NPTX1: variants seen among roughly 807,000 people sequenced by gnomAD.
NPTX1 encodes the protein neuronal pentraxin-1.
A neutral mutation model predicts 38.7 loss-of-function variants in NPTX1; 12 were observed. The observed-to-expected ratio is 0.31, with a 90% CI of 0.20 to 0.50. The LOEUF is 0.50. Ranked by LOEUF, NPTX1 falls within the 20% of genes least tolerant of loss-of-function variation. The probability of loss-of-function intolerance (pLI) is 0.98; values close to 1 mark genes in which losing one functional copy is unlikely to be tolerated. For missense variants in NPTX1, 454 were observed against 592.2 expected, an observed-to-expected ratio of 0.77 and a Z score of 2.42; for synonymous variants, 272 against 264.9, an observed-to-expected ratio of 1.03 and a Z score of -0.26.
Position 80,470,733 on chromosome 17 carries a change from G to T in NPTX1, c.*80C>A. 9.9e-7 allele frequency: 1 copy of T among 1,006,440 alleles called. No individual in the cohort carries two copies. The highest frequency in any genetic ancestry group is 1.5e-5 in the South Asian group (1 of 65,926). The allele number at this position is 1,006,440 out of a possible 1,614,324, so 62.3% of individuals were successfully genotyped here. ...CCTCGGTTCATTCCTGGGGAAAAGGGAGAGAAGAGACGCACAAAACAGATC... is the reference window on the plus strand; with the variant it reads ...CCTCGGTTCATTCCTGGGGAAAAGGTAGAGAAGAGACGCACAAAACAGATC... On this transcript the variant is annotated 3_prime_UTR_variant, in exon 5 of 5. Coordinates refer to ENST00000306773, the MANE Select transcript of NPTX1 (RefSeq NM_002522.4).
rs746170195 is a variant in NPTX1, at chr17:80,470,507, G to A, written c.*306C>T. ...CACGTAGACACACACATGTAGACAC[G>A]CACACACAGATCCTCTCACCAACTT... On this transcript the variant is annotated 3_prime_UTR_variant, in exon 5 of 5. Coordinates refer to ENST00000306773, the MANE Select transcript of NPTX1 (RefSeq NM_002522.4). 2.3e-5 allele frequency: 6 copies of A among 263,260 alleles called. No individual in the cohort carries two copies. The highest frequency in any genetic ancestry group is 7.5e-5 in the East Asian group (1 of 13,398). 16.3% of individuals were successfully genotyped at this position (263,260 alleles called of 1,614,324 possible).
rs2083829416 is a variant in NPTX1, at chr17:80,469,895, G to C, written c.*918C>G. 1 of 152,338 alleles carries C rather than the reference G, an allele frequency of 6.6e-6. No individual in the cohort carries two copies. The highest frequency in any genetic ancestry group is 2.4e-5 in the African/African-American group (1 of 41,474). The allele number at this position is 152,338 out of a possible 1,614,324, so 9.4% of individuals were successfully genotyped here. On this transcript the variant is annotated 3_prime_UTR_variant, in exon 5 of 5. Transcript: ENST00000306773. ...GTGGGTGGCACGCTCCTCTCTCAGG[G>C]CCCTCTGGGCTGAAGCAGTGCAGCA...
In NPTX1 at chr17:80,471,670, T is replaced by G. The variant is rs530063658; in HGVS notation, c.1077+62A>C. Reference sequence around the variant, plus strand: ...TACCTCCCTCCCTCCTTGCTCCTCTTCCCCTTCCCAGCCTCTGGTTCTGAA... The same window carrying G: ...TACCTCCCTCCCTCCTTGCTCCTCTGCCCCTTCCCAGCCTCTGGTTCTGAA... On this transcript the variant is annotated intron_variant, in intron 4 of 4. Transcript: ENST00000306773. The G allele has an allele frequency of 2.0e-3, 3,057 of 1,557,908 alleles. 60 individuals carry two copies. The East Asian group carries it at 0.05, about 25-fold the overall frequency.
chr17:80,476,411 C>A lies in NPTX1; in HGVS notation c.36G>T (p.Leu12=). Residue 12 remains leucine, a synonymous_variant, in exon 1 of 5, where the codon CTG becomes CTT. Coordinates refer to ENST00000306773, the MANE Select transcript of NPTX1 (RefSeq NM_002522.4). The surrounding 1 kb of genome is among the most constrained non-coding windows in gnomAD (Gnocchi z 6.3). ...CGGCGCCCAGGAGGCAGAGGGCGAG[C>A]AGCGCACAGGTGCGCGCGGCGCGGC... ...PAGRAARTCA[L]LALCLLGAGA... is the part of the protein sequence containing the mutation. 6.7e-7 allele frequency: 1 copy of A among 1,502,104 alleles called. No individual in the cohort carries two copies. Among genetic ancestry groups the A allele is most frequent in the East Asian group, 2.7e-5 (1 of 37,444 alleles). 93.0% of individuals were successfully genotyped at this position (1,502,104 alleles called of 1,614,324 possible).
Position 80,475,827 on chromosome 17 carries a change from A to G in NPTX1, c.445-109T>C. 1.0e-6 allele frequency: 1 copy of G among 970,492 alleles called. No homozygotes were observed. The allele number at this position is 970,492 out of a possible 1,614,324, so 60.1% of individuals were successfully genotyped here. A position where few individuals can be genotyped will look rare whatever the true frequency, so the allele number is the denominator to read the frequency against. ...TGGGCGACTGCGGGGGCGGCCTGGC[A>G]GGGAGCTGGGGCGAGTGGCCGCCGC... On this transcript the variant is annotated intron_variant, in intron 1 of 4. Coordinates refer to ENST00000306773, the MANE Select transcript of NPTX1 (RefSeq NM_002522.4). The surrounding 1 kb of genome is among the most constrained non-coding windows in gnomAD (Gnocchi z 6.5).
chr17:80,467,471 AC>A lies in NPTX1; in HGVS notation c.*3341del, dbSNP rs2083812660. On this transcript the variant is annotated 3_prime_UTR_variant, in exon 5 of 5. Transcript: ENST00000306773. ...TAAGTCAGCTCCAAGACACAGGTTCACCATAAATGGCCAGTTTTACCTCCTG... is the reference window on the plus strand; with the variant it reads ...TAAGTCAGCTCCAAGACACAGGTTCACATAAATGGCCAGTTTTACCTCCTG... 1 of 152,602 alleles carries A rather than the reference AC, an allele frequency of 6.6e-6. No homozygotes were observed. The highest frequency in any genetic ancestry group is 2.1e-4 in the South Asian group (1 of 4,830). The allele number at this position is 152,602 out of a possible 1,614,324, so 9.5% of individuals were successfully genotyped here.
rs111672335 is a variant in NPTX1 at position 80,473,183 on chromosome 17, C to A, written c.897+17G>T. On this transcript the variant is annotated intron_variant, in intron 3 of 4. Transcript: ENST00000306773. ...GGGCCTCGCCCTGCCGCCCTGTGAGCCCGGGGGCTGCTCTACCTTGTCATT... is the reference window on the plus strand; with the variant it reads ...GGGCCTCGCCCTGCCGCCCTGTGAGACCGGGGGCTGCTCTACCTTGTCATT... 5,781 of 1,609,152 alleles carry A rather than the reference C, an allele frequency of 3.6e-3. 174 individuals are homozygous for A. The African/African-American group carries it at 0.068, about 19-fold the overall frequency.
intron 3 of NPTX1, among the ~76,000 whole-genome samples, chr17:80,472,746 G>T (rs1238672503): frequency 6.6e-6 from 1 of 152,224 alleles, no homozygotes; most frequent in Non-Finnish European, 1.5e-5. Flanking sequence ...TGTTCCAAGG[G>T]ATCACACAGA....
Position 80,475,891 on chromosome 17 carries a change from C to A in NPTX1, c.444+112G>T. 2.1e-6 allele frequency: 2 copies of A among 960,208 alleles called. No individual in the cohort carries two copies. Among genetic ancestry groups the A allele is most frequent in the Non-Finnish European group, 2.9e-6 (2 of 697,724 alleles). The allele number at this position is 960,208 out of a possible 1,614,324, so 59.5% of individuals were successfully genotyped here. A position where few individuals can be genotyped will look rare whatever the true frequency, so the allele number is the denominator to read the frequency against. ...CGCGGGGAGGCACCGGCCGGGCACC[C>A]GCGCGGCTGAGGCGAGGGCGGGGGA... On this transcript the variant is annotated intron_variant, in intron 1 of 4. Coordinates refer to ENST00000306773, the MANE Select transcript of NPTX1 (RefSeq NM_002522.4). This position sits in a 1 kb window ranked among gnomAD's most constrained non-coding sequence, Gnocchi z 6.5.
Position 80,469,845 on chromosome 17 carries a change from G to T in NPTX1, c.*968C>A, listed in dbSNP as rs1343924456. 2 of 152,446 alleles carry T rather than the reference G, an allele frequency of 1.3e-5. No homozygotes were observed. The highest frequency in any genetic ancestry group is 2.9e-5 in the Non-Finnish European group (2 of 68,188). 9.4% of individuals were successfully genotyped at this position (152,446 alleles called of 1,614,324 possible). Reference sequence around the variant, plus strand: ...CACTGCCGGAGGCCAAAGGAGAGGGGTGCTGGGGCCCGGCTTCCCGGGCTG... The same window carrying T: ...CACTGCCGGAGGCCAAAGGAGAGGGTTGCTGGGGCCCGGCTTCCCGGGCTG... On this transcript the variant is annotated 3_prime_UTR_variant, in exon 5 of 5. Coordinates refer to ENST00000306773, the MANE Select transcript of NPTX1 (RefSeq NM_002522.4).
rs1491490793 is a variant in NPTX1, at chr17:80,469,375, C to CACACACACACACA, written c.*1425_*1437dup. 1 of 151,838 alleles carries CACACACACACACA rather than the reference C, an allele frequency of 6.6e-6. No individual in the cohort carries two copies. Among genetic ancestry groups the CACACACACACACA allele is most frequent in the African/African-American group, 2.4e-5 (1 of 41,308 alleles). 9.4% of individuals were successfully genotyped at this position (151,838 alleles called of 1,614,324 possible). ...AGCCTGCTCTCTTTCTCACTTAGCG[C>CACACACACACACA]ACACACACACACAACACACACACAC... On this transcript the variant is annotated 3_prime_UTR_variant, in exon 5 of 5. Transcript: ENST00000306773.
rs2083809093 is a variant in NPTX1, at chr17:80,467,006, T to C, written c.*3807A>G. On this transcript the variant is annotated 3_prime_UTR_variant, in exon 5 of 5. Transcript: ENST00000306773. The stretch of plus-strand genomic sequence containing the variant: ...TTGACCCATTTGATACCCAAAAGGC[T>C]GCAGATCATATGAAAAATGTACAGC... 6.6e-6 allele frequency: 1 copy of C among 152,340 alleles called. No individual in the cohort carries two copies. Among genetic ancestry groups the C allele is most frequent in the African/African-American group, 2.4e-5 (1 of 41,364 alleles). The allele number at this position is 152,340 out of a possible 1,614,324, so 9.4% of individuals were successfully genotyped here. A position where few individuals can be genotyped will look rare whatever the true frequency, so the allele number is the denominator to read the frequency against.
At position 80,470,779 on chromosome 17, in the gene NPTX1, C is replaced by T. The variant is rs749765635; in HGVS notation, c.*34G>A. 6.9e-5 allele frequency: 98 copies of T among 1,418,532 alleles called. No individual in the cohort carries two copies. The highest frequency in any genetic ancestry group is 6.9e-4 in the East Asian group (30 of 43,428). 87.9% of individuals were successfully genotyped at this position (1,418,532 alleles called of 1,614,324 possible). ...AGATCATCGCCGCACAAGCAGGGGG[C>T]GAGGGCGGGCGGGCTCAGCCTGGCC... On this transcript the variant is annotated 3_prime_UTR_variant, in exon 5 of 5. Coordinates refer to ENST00000306773, the MANE Select transcript of NPTX1 (RefSeq NM_002522.4).
At position 80,475,973 on chromosome 17, in the gene NPTX1, G is replaced by A. The variant is rs777978476; in HGVS notation, c.444+30C>T. 9 of 1,570,614 alleles carry A rather than the reference G, an allele frequency of 5.7e-6. No individual in the cohort carries two copies. In the Admixed American group the frequency reaches 1.5e-4, roughly 26 times the overall value. On this transcript the variant is annotated intron_variant, in intron 1 of 4. Coordinates refer to ENST00000306773, the MANE Select transcript of NPTX1 (RefSeq NM_002522.4). The surrounding 1 kb of genome is among the most constrained non-coding windows in gnomAD (Gnocchi z 6.5). ...GGGCAGAGGGGCGAGCGAGCCGGAG[G>A]GGGAACCGGAGCCGAGGGCGCGCGC...
In NPTX1 at chr17:80,476,355, A is replaced by G. The variant is rs2083882777; in HGVS notation, c.92T>C (p.Ile31Thr). The part of the protein sequence containing the change: ...GAQDFGPTRF[I>T]CTSVPVDADM... ...GGCGTCCACGGGCACCGAGGTGCAGATGAAGCGCGTCGGCCCGAAATCCTG... is the reference window on the plus strand; with the variant it reads ...GGCGTCCACGGGCACCGAGGTGCAGGTGAAGCGCGTCGGCCCGAAATCCTG... Residue 31 changes from isoleucine (I) to threonine (T), a missense_variant, in exon 1 of 5, where the codon ATC becomes ACC. This residue lies in a region of NPTX1 where 288 missense variants were observed against 318.4 expected (regional missense o/e 0.90). Transcript: ENST00000306773. This position sits in a 1 kb window ranked among gnomAD's most constrained non-coding sequence, Gnocchi z 6.3. 6.5e-7 allele frequency: 1 copy of G among 1,530,576 alleles called. No individual in the cohort carries two copies. The highest frequency in any genetic ancestry group is 8.7e-7 in the Non-Finnish European group (1 of 1,144,956). The allele number at this position is 1,530,576 out of a possible 1,614,324, so 94.8% of individuals were successfully genotyped here.
At chr17:80,474,808 CCCT>C (rs2083868521) in intron 2 of NPTX1, 4 of 145,196 alleles carry the variant, frequency 2.8e-5, no homozygotes, top group Admixed American at 1.4e-4. Context: ...GCACCCCCCC[CCCT>C]CCCCTTTTAC....
chr17:80,472,027 A>T, intron 3 of NPTX1, 116 bp from the exon 4 acceptor site: 1 of 979,350 alleles, frequency 1.0e-6, no homozygotes, highest in Non-Finnish European at 1.5e-6. Flanking sequence ...GTCAATAACT[A>T]TTACTGAATT....
Position 80,476,550 on chromosome 17 carries a change from G to T in NPTX1, c.-104C>A. 1.8e-6 allele frequency: 1 copy of T among 556,192 alleles called. No homozygotes were observed. The highest frequency in any genetic ancestry group is 2.3e-6 in the Non-Finnish European group (1 of 435,126). The allele number at this position is 556,192 out of a possible 1,614,324, so 34.5% of individuals were successfully genotyped here. A position where few individuals can be genotyped will look rare whatever the true frequency, so the allele number is the denominator to read the frequency against. Reference sequence around the variant, plus strand: ...GGCTCCGCGAGCGGCCCGCGCTCTGGGCGCCGCGCTCTTCGGCCGCGCGGT... The same window carrying T: ...GGCTCCGCGAGCGGCCCGCGCTCTGTGCGCCGCGCTCTTCGGCCGCGCGGT... On this transcript the variant is annotated 5_prime_UTR_variant, in exon 1 of 5. Coordinates refer to ENST00000306773, the MANE Select transcript of NPTX1 (RefSeq NM_002522.4). This position sits in a 1 kb window ranked among gnomAD's most constrained non-coding sequence, Gnocchi z 6.3.
intron 4 of NPTX1, 29 bp downstream of exon 4, chr17:80,471,703 C>T: frequency 6.3e-7 from 1 of 1,589,848 alleles, no homozygotes; most frequent in South Asian, 1.1e-5. Context: ...GAAGCTCTCT[C>T]CCCTTCCCCA....
Sources: allele counts gnomAD v4.1 joint callset (sites outside exome capture counted in the v4.1 genomes callset), GRCh38; gene constraint gnomAD v4.1.1; regional missense constraint gnomAD v4.1.1; non-coding constraint Gnocchi (gnomAD v3.1); transcripts MANE v1.5; gene names NCBI Gene and HGNC (gene_info 2026-07-23, HGNC 2026-07-21).